The following BRINP3 variants were observed in gnomAD, a reference collection of about 807,000 sequenced individuals.
The protein encoded by BRINP3 is BMP/retinoic acid-inducible neural-specific protein 3.
A neutral mutation model predicts 71.0 loss-of-function variants in BRINP3; 19 were observed. That is an observed-to-expected ratio of 0.27 (90% CI 0.19 to 0.39). BRINP3 has a LOEUF of 0.39. BRINP3 is among the 10% of genes least tolerant of loss of function. The pLI is 1.00. For missense variants in BRINP3, 959 were observed against 940.8 expected, an observed-to-expected ratio of 1.02 and a Z score of -0.25; for synonymous variants, 380 against 337.7, an observed-to-expected ratio of 1.13 and a Z score of -1.37.
chr1:190,280,743 A>G (rs1042416188), intron 3 of BRINP3, among the ~76,000 whole-genome samples: 1 of 151,930 alleles, frequency 6.6e-6, no homozygotes, highest in Non-Finnish European at 1.5e-5. Flanking sequence ...TTTCCTATTC[A>G]ATTTTATACA....
chr1:190,195,017 T>G (rs1654354006), intron 6 of BRINP3, among the ~76,000 whole-genome samples: 1 of 152,142 alleles, frequency 6.6e-6, no homozygotes, highest in Admixed American at 6.6e-5. Context: ...TTTCATGCTT[T>G]CTTTCAACAT....
At chr1:190,455,280 A>C (rs144730914) in intron 1 of BRINP3, among the ~76,000 whole-genome samples, 1 of 152,150 alleles carries the variant, frequency 6.6e-6, no homozygotes. Context: ...AAGTTCAAGT[A>C]TTTCATATAT....
intron 2 of BRINP3, among the ~76,000 whole-genome samples, chr1:190,363,271 C>A (rs887855671): frequency 1.3e-5 from 2 of 152,058 alleles, no homozygotes; most frequent in Non-Finnish European, 2.9e-5. Flanking sequence ...GAAAGAGGAC[C>A]CTGAGATTCA....
chr1:190,203,730 A>G (rs978052215), intron 6 of BRINP3, among the ~76,000 whole-genome samples: 1 of 131,228 alleles, frequency 7.6e-6, no homozygotes, highest in East Asian at 2.3e-4. Context: ...TTTAGCAGAA[A>G]GCAAGATATC....
At position 190,145,839 on chromosome 1, in the gene BRINP3, A is replaced by G. The variant is rs140242751; in HGVS notation, c.1184+14829T>C. The stretch of plus-strand genomic sequence containing the variant: ...TATGTATACATTCACATACATACAT[A>G]TATACACACATACCATGGAATACTA... On this transcript the variant is annotated intron_variant, in intron 7 of 7. Transcript: ENST00000367462. Among the ~76,000 whole-genome samples, 604 of 152,302 alleles carry G rather than the reference A, an allele frequency of 4.0e-3. 1 individual carries two copies. The highest frequency in any genetic ancestry group is 0.01 in the Middle Eastern group (3 of 294).
intron 6 of BRINP3, among the ~76,000 whole-genome samples, chr1:190,173,620 AC>A (rs1403732076): frequency 1.3e-5 from 2 of 152,242 alleles, no homozygotes; most frequent in South Asian, 2.1e-4. Flanking sequence ...TATCTCAAGA[AC>A]CCTTTACATT....
At chr1:190,367,270 G>A (rs1326693628) in intron 2 of BRINP3, among the ~76,000 whole-genome samples, 1 of 152,152 alleles carries the variant, frequency 6.6e-6, no homozygotes, top group East Asian at 1.9e-4. Flanking sequence ...CACAGGCCCA[G>A]TATAATGTGA....
At chr1:190,148,595 CAAAAT>C in intron 7 of BRINP3, among the ~76,000 whole-genome samples, 1 of 121,764 alleles carries the variant, frequency 8.2e-6, no homozygotes, top group East Asian at 2.4e-4. Context: ...GACTCTGTCA[CAAAAT>C]AAATAAATAA....
intron 2 of BRINP3, among the ~76,000 whole-genome samples, chr1:190,312,112 A>G (rs1184726487): frequency 1.4e-5 from 2 of 145,340 alleles, no homozygotes; most frequent in African/African-American, 5.0e-5. Context: ...AAAAACATTT[A>G]AAAATTAAAG....
intron 2 of BRINP3, among the ~76,000 whole-genome samples, chr1:190,380,732 A>G (rs1007639664): frequency 6.6e-6 from 1 of 152,146 alleles, no homozygotes; most frequent in African/African-American, 2.4e-5. Context: ...GGGTTTTTAG[A>G]TTCACCATAT....
chr1:190,191,493 C>A (rs764049175), intron 6 of BRINP3, among the ~76,000 whole-genome samples: 21 of 152,062 alleles, frequency 1.4e-4, no homozygotes, highest in Admixed American at 6.6e-4. Flanking sequence ...CTTATGAGTG[C>A]GAACAAGTGG....
At chr1:190,328,836 G>A (rs1391234271) in intron 2 of BRINP3, among the ~76,000 whole-genome samples, 1 of 151,756 alleles carries the variant, frequency 6.6e-6, no homozygotes, top group East Asian at 1.9e-4. Flanking sequence ...CAATCAAGCA[G>A]GCTTTATTTT....
At chr1:190,118,528 G>A (rs922591194) in intron 7 of BRINP3, among the ~76,000 whole-genome samples, 2 of 152,010 alleles carry the variant, frequency 1.3e-5, no homozygotes, top group African/African-American at 4.8e-5. Flanking sequence ...TAACTCACGT[G>A]GAACTCACCA....
intron 6 of BRINP3, among the ~76,000 whole-genome samples, chr1:190,225,683 A>T: frequency 6.6e-6 from 1 of 152,046 alleles, no homozygotes; most frequent in East Asian, 1.9e-4. Context: ...AAGTGAAAAT[A>T]AGCACTAATG....
intron 4 of BRINP3, among the ~76,000 whole-genome samples, chr1:190,242,042 T>A (rs889059425): frequency 6.6e-6 from 1 of 151,782 alleles, no homozygotes; most frequent in African/African-American, 2.4e-5. Flanking sequence ...CAGACTGCAA[T>A]TCAATGTAGT....
intron 7 of BRINP3, among the ~76,000 whole-genome samples, chr1:190,100,788 T>C (rs1235999927): frequency 6.6e-6 from 1 of 152,214 alleles, no homozygotes; most frequent in Non-Finnish European, 1.5e-5. Context: ...TAATTATTTC[T>C]TATACTGAAA....
intron 3 of BRINP3, among the ~76,000 whole-genome samples, chr1:190,267,218 G>C (rs561343223): frequency 6.9e-4 from 105 of 152,126 alleles, no homozygotes; most frequent in Non-Finnish European, 9.1e-4. Context: ...ATAATACACA[G>C]AACATTTACA....
intron 7 of BRINP3, among the ~76,000 whole-genome samples, chr1:190,112,626 C>G (rs1652789920): frequency 6.6e-6 from 1 of 151,840 alleles, no homozygotes; most frequent in African/African-American, 2.4e-5. Flanking sequence ...GTACTTTTTC[C>G]TTTTCTAAAG....
chr1:190,284,952 A>G (rs998145264), intron 2 of BRINP3, among the ~76,000 whole-genome samples: 1 of 152,138 alleles, frequency 6.6e-6, no homozygotes, highest in Non-Finnish European at 1.5e-5. Context: ...CATTGTGTAT[A>G]TCCAAAAGAA....
Sources: gnomAD v4.1 joint callset for allele counts (sites outside exome capture counted in the v4.1 genomes callset) on GRCh38, gnomAD v4.1.1 for gene constraint, MANE v1.5 for transcripts, NCBI Gene and HGNC (gene_info 2026-07-23, HGNC 2026-07-21) for gene names.